SRGAP3: variants seen among roughly 807,000 people sequenced by gnomAD.
The protein encoded by SRGAP3 is SLIT-ROBO Rho GTPase activating protein 3.
SRGAP3 carries 39 observed loss-of-function variants against 121.1 expected under a neutral mutation model. The observed-to-expected ratio is 0.32, with a 90% CI of 0.25 to 0.42. The LOEUF is 0.42. Ranked by LOEUF, SRGAP3 falls within the 10% of genes least tolerant of loss-of-function variation. The pLI is 1.00. For missense variants in SRGAP3, 1,213 were observed against 1,470.6 expected (o/e 0.82, Z 2.86); for synonymous variants, 601 against 570.0 (o/e 1.05, Z -0.77).
At chr3:9,042,184 A>G (rs188891546) in intron 10 of SRGAP3, among the ~76,000 whole-genome samples, 52 of 152,138 alleles carry the variant, frequency 3.4e-4, no homozygotes, top group Non-Finnish European at 6.9e-4. Context: ...TATCAAAAAG[A>G]TTATAATTTT....
chr3:9,058,655 G>A (rs567689785), intron 6 of SRGAP3, 183 bp from the exon 7 acceptor site: 52 of 622,060 alleles, frequency 8.4e-5, no homozygotes, highest in Admixed American at 7.0e-4. Context: ...GGGGAGTTGC[G>A]GTTGAGATTT....
intron 3 of SRGAP3, among the ~76,000 whole-genome samples, chr3:9,086,830 T>C (rs1262693455): frequency 7.4e-6 from 1 of 134,444 alleles, no homozygotes; most frequent in East Asian, 2.1e-4. Context: ...CATATAGGTA[T>C]AGTACATATG....
intron 2 of SRGAP3, among the ~76,000 whole-genome samples, chr3:9,121,296 G>A (rs966141874): frequency 8.5e-5 from 13 of 152,218 alleles, no homozygotes; most frequent in African/African-American, 2.2e-4. Context: ...TACTTGGCAG[G>A]TAGATGGACA....
intron 21 of SRGAP3, 84 bp downstream of exon 21, chr3:8,990,428 A>G (rs1345141152): frequency 1.3e-6 from 2 of 1,512,974 alleles, no homozygotes; most frequent in Admixed American, 2.0e-5. Flanking sequence ...CATAAAGGCC[A>G]AGGTGGCTCC....
chr3:9,013,629 G>A, intron 16 of SRGAP3, 94 bp from the exon 17 acceptor site: 1 of 1,555,104 alleles, frequency 6.4e-7, no homozygotes, highest in Non-Finnish European at 8.8e-7. Flanking sequence ...AAATCCAGGA[G>A]GGTTCCATGT....
intron 12 of SRGAP3, among the ~76,000 whole-genome samples, chr3:9,031,673 C>T (rs992255722): frequency 1.3e-5 from 2 of 152,212 alleles, no homozygotes; most frequent in Non-Finnish European, 2.9e-5. Flanking sequence ...AAGTCTTGTG[C>T]TGGACCCTGT....
At chr3:9,161,178 C>G (rs1231610133) in intron 1 of SRGAP3, among the ~76,000 whole-genome samples, 1 of 152,192 alleles carries the variant, frequency 6.6e-6, no homozygotes, top group African/African-American at 2.4e-5. Context: ...TTAATGAGAA[C>G]AAAATACTTG....
chr3:9,027,090 T>C, intron 12 of SRGAP3, 95 bp from the exon 13 acceptor site: 1 of 1,106,250 alleles, frequency 9.0e-7, no homozygotes, highest in Admixed American at 1.7e-5. Flanking sequence ...AGCCAGAATA[T>C]TAGTACCATC....
intron 1 of SRGAP3, among the ~76,000 whole-genome samples, chr3:9,177,571 A>T (rs937492316): frequency 6.6e-6 from 1 of 152,000 alleles, no homozygotes; most frequent in Non-Finnish European, 1.5e-5. Context: ...GGTCTCCATG[A>T]TCTTAATACA....
In SRGAP3 at chr3:9,047,456, T is replaced by C; in HGVS notation, c.1343A>G (p.Asn448Ser). Residue 448 changes from asparagine to serine, a missense_variant, in exon 10 of 22, where the codon AAT becomes AGT. This residue lies in a region of SRGAP3 where 793 missense variants were observed against 1,032.9 expected (regional missense o/e 0.77). Coordinates refer to ENST00000383836, the MANE Select transcript of SRGAP3 (RefSeq NM_014850.4). The stretch of plus-strand genomic sequence containing the variant: ...CAGCTTGGTGATGAGGTTACTGCCA[T>C]TCACATACTCTTTAAATTTCTGTAA... ...FYFTKFKEYV[N>S]GSNLITKLQA... The C allele has an allele frequency of 1.2e-6, 2 of 1,614,196 alleles. No homozygotes were observed. Among genetic ancestry groups the C allele is most frequent in the South Asian group, 1.1e-5 (1 of 91,076 alleles).
chr3:9,340,650 C>T (rs1040863138), intron 1 of SRGAP3, among the ~76,000 whole-genome samples: 10 of 150,682 alleles, frequency 6.6e-5, no homozygotes, highest in African/African-American at 2.5e-4. Flanking sequence ...TCTGGGAAAA[C>T]CAACATCCAG....
chr3:9,060,319 T>G lies in SRGAP3; in HGVS notation c.713A>C (p.Lys238Thr). The change falls in exon 6 of 22, where the codon AAG becomes ACG. Residue 238 changes from lysine to threonine, a missense_variant. Coordinates refer to ENST00000383836, the MANE Select transcript of SRGAP3 (RefSeq NM_014850.4). Reference sequence around the variant, plus strand: ...ATTGAGCAAGTAGTCATTCCGGGCCTTTGTGCATTTCAGCTTGTTCTCAGA... The same window carrying G: ...ATTGAGCAAGTAGTCATTCCGGGCCGTTGTGCATTTCAGCTTGTTCTCAGA... ...KYSENKLKCTKARNDYLLNLA... is the reference protein window; with the variant it reads ...KYSENKLKCTTARNDYLLNLA... 1 of 1,614,152 alleles carries G rather than the reference T, an allele frequency of 6.2e-7. No individual in the cohort carries two copies. The highest frequency in any genetic ancestry group is 8.5e-7 in the Non-Finnish European group (1 of 1,180,022).
chr3:9,177,119 C>T (rs1463063357), intron 1 of SRGAP3, among the ~76,000 whole-genome samples: 1 of 152,152 alleles, frequency 6.6e-6, no homozygotes, highest in Non-Finnish European at 1.5e-5. Flanking sequence ...CAGGAAAAAT[C>T]GTGTGTTCAA....
intron 1 of SRGAP3, among the ~76,000 whole-genome samples, chr3:9,186,952 T>G (rs968708693): frequency 6.6e-6 from 1 of 152,148 alleles, no homozygotes; most frequent in Admixed American, 6.5e-5. Context: ...CAGCAAAAAG[T>G]TTTTTGTTTT....
chr3:9,026,750 T>C (rs935630077), intron 13 of SRGAP3, among the ~76,000 whole-genome samples, 185 bp downstream of exon 13: 1 of 152,190 alleles, frequency 6.6e-6, no homozygotes, highest in Non-Finnish European at 1.5e-5. Flanking sequence ...ATGATCTCCA[T>C]CCCTCAACAC....
chr3:9,088,193 C>T (rs1035895358), intron 3 of SRGAP3, among the ~76,000 whole-genome samples: 3 of 152,152 alleles, frequency 2.0e-5, no homozygotes, highest in South Asian at 2.1e-4. Context: ...ACATTTTCCA[C>T]ACTACTTTCA....
chr3:9,200,253 T>C (rs1952031418), intron 1 of SRGAP3, among the ~76,000 whole-genome samples: 1 of 152,220 alleles, frequency 6.6e-6, no homozygotes, highest in African/African-American at 2.4e-5. Flanking sequence ...TTATCAAAAC[T>C]AAAATTGTTT....
At chr3:9,065,204 T>G (rs563780995) in intron 4 of SRGAP3, 1 of 152,314 alleles carries the variant, frequency 6.6e-6, no homozygotes, top group East Asian at 1.9e-4. Context: ...CTGGAATAAA[T>G]TCATCCTTGC....
chr3:9,162,955 T>G (rs866422565), intron 1 of SRGAP3, among the ~76,000 whole-genome samples: 2 of 152,368 alleles, frequency 1.3e-5, no homozygotes, highest in Middle Eastern at 3.4e-3. Context: ...GCTCTGCCAC[T>G]TATCAGCTCT....
Sources: allele counts gnomAD v4.1 joint callset (sites outside exome capture counted in the v4.1 genomes callset), GRCh38; gene constraint gnomAD v4.1.1; regional missense constraint gnomAD v4.1.1; transcripts MANE v1.5; gene names NCBI Gene and HGNC (gene_info 2026-07-23, HGNC 2026-07-21).